The following LIPI variants were observed in gnomAD, a reference collection of about 807,000 sequenced individuals.
LIPI encodes the protein lipase member I.
Under a neutral mutation model 50.6 loss-of-function variants are expected in LIPI, and 59 were observed. The ratio of observed to expected loss-of-function variants is 1.16; its 90% CI spans 0.94 to 1.45. The LOEUF (loss-of-function observed/expected upper bound fraction) is 1.45. Ranked by LOEUF, LIPI falls within the 40% of genes most tolerant of loss-of-function variation. The probability of loss-of-function intolerance (pLI) is 0.00; values close to 1 mark genes in which losing one functional copy is unlikely to be tolerated. For synonymous variants in LIPI, 203 were observed against 178.2 expected (o/e 1.14, Z -1.11); for missense variants, 586 against 536.3 (o/e 1.09, Z -0.92).
At chr21:14,113,743 G>A (rs1294552769) in intron 9 of LIPI, among the ~76,000 whole-genome samples, 1 of 152,192 alleles carries the variant, frequency 6.6e-6, no homozygotes, top group Non-Finnish European at 1.5e-5. Context: ...CCAAGACTGG[G>A]TAATTTATAA....
chr21:14,109,229 A>C, intron 9 of LIPI, 149 bp from the exon 10 acceptor site: 1 of 665,996 alleles, frequency 1.5e-6, no homozygotes, highest in South Asian at 1.7e-5. Flanking sequence ...ATATGGGATC[A>C]TTTCCATTCT....
chr21:14,114,633 G>A (rs2016553047), intron 9 of LIPI, among the ~76,000 whole-genome samples: 1 of 152,116 alleles, frequency 6.6e-6, no homozygotes, highest in Non-Finnish European at 1.5e-5. Context: ...ACCACTGCCC[G>A]ATAAATCAAA....
At chr21:14,125,730 T>G (rs2017036410) in intron 9 of LIPI, among the ~76,000 whole-genome samples, 1 of 152,056 alleles carries the variant, frequency 6.6e-6, no homozygotes, top group South Asian at 2.1e-4. Context: ...CGTAATTTTT[T>G]TGTGTTTTTA....
At chr21:14,145,209 A>G (rs1381483366) in intron 8 of LIPI, among the ~76,000 whole-genome samples, 4 of 152,134 alleles carry the variant, frequency 2.6e-5, no homozygotes, top group East Asian at 1.9e-4. Flanking sequence ...GCAATAACTT[A>G]TAAAGGCCTG....
intron 4 of LIPI, among the ~76,000 whole-genome samples, chr21:14,172,505 G>T (rs1321565340): frequency 1.3e-5 from 2 of 151,014 alleles, no homozygotes; most frequent in African/African-American, 4.8e-5. Flanking sequence ...AGAAAATGTG[G>T]CACATATACA....
intron 8 of LIPI, among the ~76,000 whole-genome samples, 193 bp from the exon 9 acceptor site, chr21:14,144,992 A>G (rs1475782220): frequency 2.6e-5 from 4 of 152,154 alleles, no homozygotes; most frequent in African/African-American, 9.7e-5. Flanking sequence ...ATAAATGCAA[A>G]ATAATAATAA....
At chr21:14,165,082 T>A (rs1292354998) in intron 6 of LIPI, 141 bp downstream of exon 6, 1 of 659,870 alleles carries the variant, frequency 1.5e-6, no homozygotes, top group Non-Finnish European at 2.7e-6. Context: ...CTGTACCACA[T>A]CTCTACAGAT....
At chr21:14,156,925 T>C (rs1226354667) in intron 7 of LIPI, among the ~76,000 whole-genome samples, 1 of 151,902 alleles carries the variant, frequency 6.6e-6, no homozygotes, top group Non-Finnish European at 1.5e-5. Flanking sequence ...AATCTTGCCG[T>C]CATTGAGGAC....
intron 4 of LIPI, among the ~76,000 whole-genome samples, chr21:14,171,796 A>G (rs2018918724): frequency 6.6e-6 from 1 of 151,834 alleles, no homozygotes; most frequent in Non-Finnish European, 1.5e-5. Flanking sequence ...CATTCAGGAC[A>G]TAGGCATGGG....
At chr21:14,136,100 A>G (rs986204408) in intron 9 of LIPI, among the ~76,000 whole-genome samples, 4 of 152,120 alleles carry the variant, frequency 2.6e-5, no homozygotes, top group Non-Finnish European at 5.9e-5. Flanking sequence ...TGAGGAAAGA[A>G]CCCAGTCCTG....
intron 9 of LIPI, among the ~76,000 whole-genome samples, chr21:14,129,108 A>G (rs1218574446): frequency 6.6e-6 from 1 of 152,126 alleles, no homozygotes; most frequent in Non-Finnish European, 1.5e-5. Flanking sequence ...AGTATGTTTT[A>G]TATAATTATG....
chr21:14,121,174 G>T (rs1226688948), intron 9 of LIPI, among the ~76,000 whole-genome samples: 2 of 152,108 alleles, frequency 1.3e-5, no homozygotes, highest in Admixed American at 6.5e-5. Flanking sequence ...CTACCTTTAG[G>T]CTCGGACAAC....
At position 14,163,468 on chromosome 21, in the gene LIPI, A is replaced by C. The variant is rs147674209; in HGVS notation, c.957T>G (p.Pro319=). 101 of 1,589,942 alleles carry C rather than the reference A, an allele frequency of 6.4e-5. No homozygotes were observed. In the African/African-American group the frequency reaches 1.3e-3, roughly 21 times the overall value. The change falls in exon 7 of 10, where the codon CCT becomes CCG. Residue 319 remains proline (P), a synonymous_variant. Coordinates refer to ENST00000681601, the MANE Select transcript of LIPI (RefSeq NM_001302998.2). ...GVLKERMEGR[P]LRTTVFLDTS... ...TATCCAAAAACACAGTGGTCCTAAG[A>C]GGTCTTCCTTCCATCCTTTCTTTTA...
chr21:14,208,853 A>G (rs2020292524), intron 1 of LIPI, among the ~76,000 whole-genome samples: 1 of 152,152 alleles, frequency 6.6e-6, no homozygotes, highest in South Asian at 2.1e-4. Flanking sequence ...AGAGTTGGAG[A>G]CCAGCCTGGG....
intron 9 of LIPI, among the ~76,000 whole-genome samples, chr21:14,115,690 A>G (rs1436645492): frequency 4.6e-5 from 7 of 152,100 alleles, no homozygotes; most frequent in Non-Finnish European, 1.0e-4. Context: ...CCTTCCCTTG[A>G]CAGTGCAAAC....
At chr21:14,174,946 T>C (rs576779222) in intron 4 of LIPI, among the ~76,000 whole-genome samples, 64 of 152,376 alleles carry the variant, frequency 4.2e-4, no homozygotes, top group African/African-American at 1.5e-3. Flanking sequence ...TCATATTTTA[T>C]GTAGGCTTTT....
chr21:14,178,148 C>T (rs138582839), intron 4 of LIPI, among the ~76,000 whole-genome samples: 74 of 152,210 alleles, frequency 4.9e-4, no homozygotes, highest in African/African-American at 1.6e-3. Context: ...AATTCACTAT[C>T]ATACATCTCA....
rs192105373 is a variant in LIPI, at chr21:14,157,605, G to A, written c.1007-4921C>T. ...GAAAAAGTTTTGAGGCCTGGAAAAC[G>A]TCTACAAACAAGAAACAAGATGAAA... On this transcript the variant is annotated intron_variant, in intron 7 of 9. Transcript: ENST00000681601. Among the ~76,000 whole-genome samples the A allele has an allele frequency of 3.9e-4, 60 of 151,948 alleles. 1 individual carries two copies. In the East Asian group the frequency reaches 6.4e-3, roughly 16 times the overall value.
In LIPI at chr21:14,189,358, T is replaced by C. The variant is rs766102195; in HGVS notation, c.108A>G (p.Leu36=). ...GAATGGTCTCTATTCTCGGAATAAA[T>C]AAATCTCTGAAGGAATCCTTTACAC... ...QLSVKDSFRD[L]FIPRIETILM... The change falls in exon 2 of 10, where the codon TTA becomes TTG. Residue 36 remains leucine (L), a synonymous_variant. Transcript: ENST00000681601. 1 of 1,612,326 alleles carries C rather than the reference T, an allele frequency of 6.2e-7. No homozygotes were observed. Among genetic ancestry groups the C allele is most frequent in the South Asian group, 1.1e-5 (1 of 91,008 alleles).
Sources: allele counts gnomAD v4.1 joint callset (sites outside exome capture counted in the v4.1 genomes callset), GRCh38; gene constraint gnomAD v4.1.1; transcripts MANE v1.5; gene names NCBI Gene and HGNC (gene_info 2026-07-23, HGNC 2026-07-21).